Variants in MSR1 observed in about 807,000 individuals in gnomAD.
MSR1 encodes macrophage scavenger receptor 1.
In MSR1, 53 loss-of-function variants were observed where a neutral mutation model predicts 47.2. That is an observed-to-expected ratio of 1.12 (90% CI 0.90 to 1.41). The LOEUF is 1.41. Among genes scored for constraint, MSR1 ranks in the 40% most tolerant of loss-of-function variants. MSR1 has a pLI of 0.00. For missense variants in MSR1, 786 were observed against 546.9 expected, an observed-to-expected ratio of 1.44 and a Z score of -4.36; for synonymous variants, 239 against 185.6, an observed-to-expected ratio of 1.29 and a Z score of -2.34.
At chr8:16,166,744 T>A (rs1801322954) in intron 4 of MSR1, among the ~76,000 whole-genome samples, 1 of 152,118 alleles carries the variant, frequency 6.6e-6, no homozygotes, top group African/African-American at 2.4e-5. Context: ...TCTTTCAAAT[T>A]AATTTTTGGT....
intron 1 of MSR1, among the ~76,000 whole-genome samples, chr8:16,189,432 ATATTTTATATATATAAAATCT>A (rs1347133984): frequency 2.7e-5 from 2 of 74,888 alleles, no homozygotes; most frequent in Admixed American, 2.0e-4. Context: ...ATATAAAATC[ATATTTTATATATATAAAATCT>A]TATTTTATAT....
intron 4 of MSR1, 34 bp from the exon 5 acceptor site, chr8:16,164,285 T>C (rs751433094): frequency 6.4e-7 from 1 of 1,562,912 alleles, no homozygotes; most frequent in Non-Finnish European, 8.8e-7. Context: ...ACAGCCTTTG[T>C]TACATACATA....
chr8:16,136,572 C>G (rs1158032151), intron 8 of MSR1, among the ~76,000 whole-genome samples: 1 of 151,922 alleles, frequency 6.6e-6, no homozygotes, highest in Non-Finnish European at 1.5e-5. Flanking sequence ...TAGCTATACA[C>G]TCTATTAAGG....
chr8:16,164,538 C>T lies in MSR1; in HGVS notation c.631-287G>A, dbSNP rs575955143. 3.9e-5 allele frequency among the ~76,000 whole-genome samples: 6 copies of T among 151,928 alleles called. No individual in the cohort carries two copies. The South Asian group carries it at 8.3e-4, about 21-fold the overall frequency. On this transcript the variant is annotated intron_variant, in intron 4 of 9. Coordinates refer to ENST00000262101, the MANE Select transcript of MSR1 (RefSeq NM_138715.3). ...TCCTATATATATAGATGTCAAAATT[C>T]TAACAATAAAATTAAATAAACACCA...
chr8:16,139,429 A>T, intron 8 of MSR1: 3 of 954,330 alleles, frequency 3.1e-6, no homozygotes, highest in Non-Finnish European at 3.7e-6. Flanking sequence ...ATTATACAAG[A>T]GTGGGAATAA....
intron 8 of MSR1, among the ~76,000 whole-genome samples, chr8:16,123,690 A>AAAC (rs34554979): frequency 0.073 from 11,033 of 152,178 alleles, 653 homozygotes; most frequent in East Asian, 0.23. Flanking sequence ...CTATGTGCCT[A>AAAC]AACGATTTCG....
intron 1 of MSR1, among the ~76,000 whole-genome samples, chr8:16,188,663 C>T (rs146482841): frequency 3.9e-5 from 6 of 152,028 alleles, no homozygotes; most frequent in African/African-American, 1.4e-4. Context: ...CCTCCCCTTG[C>T]CTCCCACCTA....
intron 3 of MSR1, among the ~76,000 whole-genome samples, chr8:16,174,640 T>A (rs1585187912): frequency 6.6e-6 from 1 of 152,158 alleles, no homozygotes; most frequent in South Asian, 2.1e-4. Flanking sequence ...AATATCCCTA[T>A]GAAAAATGTG....
intron 5 of MSR1, among the ~76,000 whole-genome samples, chr8:16,157,089 C>T (rs143928437): frequency 3.0e-4 from 45 of 151,984 alleles, no homozygotes; most frequent in Admixed American, 4.6e-4. Context: ...GAAAAAAGTG[C>T]GCAAGCAAAG....
chr8:16,169,880 T>C (rs552517535), intron 3 of MSR1, among the ~76,000 whole-genome samples: 16 of 150,508 alleles, frequency 1.1e-4, no homozygotes, highest in African/African-American at 3.7e-4. Flanking sequence ...ATTAATTATT[T>C]CCCAAATTAA....
intron 1 of MSR1, among the ~76,000 whole-genome samples, chr8:16,190,419 A>C (rs73665256): frequency 2.0e-5 from 3 of 152,196 alleles, no homozygotes; most frequent in Non-Finnish European, 4.4e-5. Context: ...AGCTTATTTT[A>C]GAATCATTTA....
chr8:16,111,569 T>C (rs351542), intron 9 of MSR1, among the ~76,000 whole-genome samples: 150,810 of 152,242 alleles, frequency 0.99, 74,709 homozygotes, highest in Middle Eastern at 1. Flanking sequence ...CCAACATGAA[T>C]AGCAAAGGAA....
chr8:16,128,768 T>G (rs939584288), intron 8 of MSR1, among the ~76,000 whole-genome samples: 2 of 152,072 alleles, frequency 1.3e-5, no homozygotes, highest in African/African-American at 4.8e-5. Context: ...ACACTGAAAA[T>G]CTCTTTTCCG....
At chr8:16,182,807 C>A (rs530283982) in intron 1 of MSR1, among the ~76,000 whole-genome samples, 5 of 152,026 alleles carry the variant, frequency 3.3e-5, no homozygotes, top group Non-Finnish European at 7.4e-5. Context: ...ATGGTTGAAT[C>A]TTTTTTTATA....
At chr8:16,170,064 A>G (rs1209177041) in intron 3 of MSR1, among the ~76,000 whole-genome samples, 1 of 152,136 alleles carries the variant, frequency 6.6e-6, no homozygotes, top group Non-Finnish European at 1.5e-5. Flanking sequence ...TTTATGCAAA[A>G]ATAGGCCGGG....
chr8:16,183,850 G>A (rs1048248222), intron 1 of MSR1, among the ~76,000 whole-genome samples: 9 of 139,820 alleles, frequency 6.4e-5, no homozygotes, highest in African/African-American at 2.4e-4. Flanking sequence ...TCATAGAATT[G>A]GCAATATATA....
chr8:16,110,883 T>C (rs1799741864), intron 9 of MSR1, among the ~76,000 whole-genome samples: 1 of 152,152 alleles, frequency 6.6e-6, no homozygotes, highest in South Asian at 2.1e-4. Flanking sequence ...CCTGAGCTGA[T>C]CAATTGTAAG....
intron 1 of MSR1, among the ~76,000 whole-genome samples, chr8:16,188,525 G>C (rs1216058393): frequency 6.6e-6 from 1 of 151,754 alleles, no homozygotes; most frequent in Admixed American, 6.6e-5. Context: ...TTAGGTTCTG[G>C]GATACACGTG....
At chr8:16,189,087 C>G (rs570916354) in intron 1 of MSR1, among the ~76,000 whole-genome samples, 5 of 142,202 alleles carry the variant, frequency 3.5e-5, no homozygotes, top group African/African-American at 1.3e-4. Context: ...TTCATATATA[C>G]GCAAAACCTT....
Sources: allele counts gnomAD v4.1 joint callset (sites outside exome capture counted in the v4.1 genomes callset), GRCh38; gene constraint gnomAD v4.1.1; transcripts MANE v1.5; gene names NCBI Gene and HGNC (gene_info 2026-07-23, HGNC 2026-07-21).